Variants in C9orf85 observed in about 807,000 individuals in gnomAD.
The protein encoded by C9orf85 is uncharacterized protein C9orf85.
In C9orf85, 16 loss-of-function variants were observed where a neutral mutation model predicts 14.9. The ratio of observed to expected loss-of-function variants is 1.08; its 90% CI spans 0.73 to 1.63. The LOEUF (loss-of-function observed/expected upper bound fraction) is 1.63. Ranked by LOEUF, C9orf85 falls within the 40% of genes most tolerant of loss-of-function variation. C9orf85 has a pLI of 0.00. For missense variants in C9orf85, 172 were observed against 186.1 expected, an observed-to-expected ratio of 0.92 and a Z score of 0.44; for synonymous variants, 45 against 56.8, an observed-to-expected ratio of 0.79 and a Z score of 0.93.
intron 2 of C9orf85, among the ~76,000 whole-genome samples, chr9:71,953,327 A>G (rs1266946269): frequency 6.6e-6 from 1 of 152,196 alleles, no homozygotes; most frequent in African/African-American, 2.4e-5. Flanking sequence ...CAGGAGTCCC[A>G]TGAATACAAC....
chr9:71,919,859 C>CTT (rs755382234), intron 1 of C9orf85, among the ~76,000 whole-genome samples: 2 of 142,026 alleles, frequency 1.4e-5, no homozygotes, highest in African/African-American at 2.6e-5. Flanking sequence ...TTCTTTTTTT[C>CTT]TTTTTTTTTT....
chr9:71,976,611 G>A (rs923977273), downstream of C9orf85, among the ~76,000 whole-genome samples: 2 of 150,568 alleles, frequency 1.3e-5, no homozygotes, highest in Admixed American at 6.6e-5. Flanking sequence ...ACAGTGAGCC[G>A]AGATCGCGCC....
At chr9:71,975,186 T>C (rs1016011813), downstream of C9orf85, among the ~76,000 whole-genome samples, 4 of 152,156 alleles carry the variant, frequency 2.6e-5, no homozygotes, top group Non-Finnish European at 2.9e-5. Context: ...AGTTGGCTCA[T>C]GCCTGTAATC....
intron 2 of C9orf85, among the ~76,000 whole-genome samples, chr9:71,951,412 A>G (rs757380703): frequency 1.3e-5 from 2 of 152,230 alleles, no homozygotes; most frequent in African/African-American, 4.8e-5. Context: ...TCAAAGCTTT[A>G]GGTCTTTATA....
chr9:71,967,109 T>G (rs1822714227), intron 2 of C9orf85, among the ~76,000 whole-genome samples: 1 of 152,218 alleles, frequency 6.6e-6, no homozygotes, highest in Non-Finnish European at 1.5e-5. Flanking sequence ...ATTTAACAAA[T>G]TATTCTTTCT....
intron 1 of C9orf85, among the ~76,000 whole-genome samples, chr9:71,925,706 T>C (rs562945639): frequency 2.3e-4 from 35 of 152,322 alleles, no homozygotes; most frequent in African/African-American, 8.2e-4. Flanking sequence ...GGCCAGATTA[T>C]CTATAAGAAA....
chr9:71,932,262 G>A lies in C9orf85; in HGVS notation c.103-14744G>A, dbSNP rs75323648. Reference sequence around the variant, plus strand: ...CAGTTTGCCTTGGGAAATGGTCGGGGGAGGAAGAGATTATTTTCATAGAAG... The same window carrying A: ...CAGTTTGCCTTGGGAAATGGTCGGGAGAGGAAGAGATTATTTTCATAGAAG... On this transcript the variant is annotated intron_variant, in intron 1 of 3. Transcript: ENST00000334731. 3.7e-3 allele frequency among the ~76,000 whole-genome samples: 565 copies of A among 151,930 alleles called. 3 individuals are homozygous for A. Among genetic ancestry groups the A allele is most frequent in the Non-Finnish European group, 6.0e-3 (406 of 67,954 alleles).
intron 1 of C9orf85, among the ~76,000 whole-genome samples, chr9:71,927,758 T>A (rs568986070): frequency 6.6e-6 from 1 of 152,346 alleles, no homozygotes; most frequent in Non-Finnish European, 1.5e-5. Flanking sequence ...TTGAAGTAGA[T>A]TTTTAGTTCA....
At chr9:71,930,474 G>A (rs1204393559) in intron 1 of C9orf85, among the ~76,000 whole-genome samples, 1 of 151,988 alleles carries the variant, frequency 6.6e-6, no homozygotes, top group Non-Finnish European at 1.5e-5. Context: ...TGTATATGAT[G>A]ATGAAGGTAT....
At chr9:71,942,111 C>T (rs1821947763) in intron 1 of C9orf85, among the ~76,000 whole-genome samples, 1 of 152,178 alleles carries the variant, frequency 6.6e-6, no homozygotes, top group South Asian at 2.1e-4. Flanking sequence ...TGCATTCCTG[C>T]AGATCCTATG....
chr9:71,957,033 G>A (rs1822397952), intron 2 of C9orf85, among the ~76,000 whole-genome samples: 1 of 151,866 alleles, frequency 6.6e-6, no homozygotes, highest in South Asian at 2.1e-4. Context: ...TGTTGGCCAG[G>A]CTGAACTCGA....
Position 71,960,913 on chromosome 9 carries a change from G to GTT in C9orf85, c.210-10577_210-10576dup, listed in dbSNP as rs111315320. Among the ~76,000 whole-genome samples the GTT allele has an allele frequency of 2.8e-3, 345 of 124,588 alleles. 5 individuals are homozygous for GTT. Among genetic ancestry groups the GTT allele is most frequent in the East Asian group, 0.027 (117 of 4,264 alleles). The allele number at this position is 124,588 out of a possible 152,430, so 81.7% of individuals were successfully genotyped here. A position where few individuals can be genotyped will look rare whatever the true frequency, so the allele number is the denominator to read the frequency against. On this transcript the variant is annotated intron_variant, in intron 2 of 3. Transcript: ENST00000334731. ...ATTGGCCGTTTTTCAGTTCCAAATT[G>GTT]TTTTTTTTTTTTTTTTGAGACGGAG...
At chr9:71,946,663 C>T (rs142672924) in intron 1 of C9orf85, among the ~76,000 whole-genome samples, 214 of 151,894 alleles carry the variant, frequency 1.4e-3, no homozygotes, top group African/African-American at 4.9e-3. Flanking sequence ...CATGGTGGCA[C>T]GCGCCTGTAA....
At chr9:71,918,375 C>A in intron 1 of C9orf85, 1 of 1,147,836 alleles carries the variant, frequency 8.7e-7, no homozygotes, top group East Asian at 6.0e-5. Context: ...CTCAGCTAAC[C>A]ACAAGTCACA....
At chr9:71,915,141 C>G (rs1325235232) in intron 1 of C9orf85, among the ~76,000 whole-genome samples, 1 of 151,732 alleles carries the variant, frequency 6.6e-6, no homozygotes, top group Non-Finnish European at 1.5e-5. Context: ...TTACTTTCCT[C>G]TGAGGATTGC....
intron 2 of C9orf85, among the ~76,000 whole-genome samples, chr9:71,963,922 G>A (rs534696264): frequency 6.3e-4 from 96 of 152,296 alleles, no homozygotes; most frequent in African/African-American, 2.1e-3. Context: ...TGAGGAGTGC[G>A]GGCGCACGGC....
At chr9:71,925,839 T>C (rs1277251244) in intron 1 of C9orf85, among the ~76,000 whole-genome samples, 1 of 152,140 alleles carries the variant, frequency 6.6e-6, no homozygotes, top group African/African-American at 2.4e-5. Context: ...ACTAAAGATA[T>C]GGAGAGGATT....
At chr9:71,945,458 G>T (rs1011614480) in intron 1 of C9orf85, among the ~76,000 whole-genome samples, 2 of 152,128 alleles carry the variant, frequency 1.3e-5, no homozygotes, top group Non-Finnish European at 2.9e-5. Flanking sequence ...TACACAATTT[G>T]TAAGTAACAG....
intron 2 of C9orf85, among the ~76,000 whole-genome samples, chr9:71,950,708 A>G (rs950555146): frequency 1.8e-4 from 28 of 152,194 alleles, no homozygotes; most frequent in Non-Finnish European, 4.4e-5. Context: ...TTTTTCTGCC[A>G]TGCTGAGTAT....
Sources: gnomAD v4.1 joint callset for allele counts (sites outside exome capture counted in the v4.1 genomes callset) on GRCh38, gnomAD v4.1.1 for gene constraint, MANE v1.5 for transcripts, NCBI Gene and HGNC (gene_info 2026-07-23, HGNC 2026-07-21) for gene names.